The following ZFP64 variants were observed in gnomAD, a reference collection of about 807,000 sequenced individuals.
ZFP64 encodes ZFP64 zinc finger protein.
In ZFP64, 14 loss-of-function variants were observed where a neutral mutation model predicts 51.6. The ratio of observed to expected loss-of-function variants is 0.27; its 90% CI spans 0.18 to 0.42. The LOEUF is 0.42. ZFP64 is among the 10% of genes least tolerant of loss of function. The pLI is 1.00. For missense variants in ZFP64, 754 were observed against 906.8 expected (o/e 0.83, Z 2.16); for synonymous variants, 375 against 361.4 (o/e 1.04, Z -0.43).
chr20:52,138,080 A>G (rs1980070410), intron 5 of ZFP64, among the ~76,000 whole-genome samples: 1 of 151,934 alleles, frequency 6.6e-6, no homozygotes, highest in Non-Finnish European at 1.5e-5. Flanking sequence ...GGAGGCACAC[A>G]TCTGGAGTCC....
intron 5 of ZFP64, among the ~76,000 whole-genome samples, chr20:52,099,904 A>T (rs2079032390): frequency 6.6e-6 from 1 of 152,258 alleles, no homozygotes; most frequent in South Asian, 2.1e-4. Flanking sequence ...AGGTTTTAAG[A>T]TTCCTACAGC....
rs560939677 is a variant in ZFP64, at chr20:52,128,734, T to C, written c.764-30147A>G. 1.8e-4 allele frequency among the ~76,000 whole-genome samples: 28 copies of C among 152,262 alleles called. No individual in the cohort carries two copies. The South Asian group carries it at 5.8e-3, about 32-fold the overall frequency. Reference sequence around the variant, plus strand: ...GCTTCTGAGCTTGGTCTTCCGTCAGTAACAAGGGCTGATTTCCACCTGGTC... The same window carrying C: ...GCTTCTGAGCTTGGTCTTCCGTCAGCAACAAGGGCTGATTTCCACCTGGTC... On this transcript the variant is annotated intron_variant, in intron 5 of 8. Transcript: ENST00000361387.
intron 7 of ZFP64, among the ~76,000 whole-genome samples, chr20:52,090,659 C>CTTGGTGATGCACACCTGT (rs1336103022): frequency 6.6e-6 from 1 of 151,886 alleles, no homozygotes; most frequent in Non-Finnish European, 1.5e-5. Flanking sequence ...ATTAGCTGGG[C>CTTGGTGATGCACACCTGT]TTGGTGATGC....
At chr20:52,097,231 T>C (rs2078998155) in intron 7 of ZFP64, 1 of 993,052 alleles carries the variant, frequency 1.0e-6, no homozygotes, top group Non-Finnish European at 1.6e-6. Flanking sequence ...TTTTGCTCCT[T>C]CTCCCAAGCC....
chr20:52,104,509 AAGGCTCACGGCCGTCCCCCGCCCCCC>A (rs1156762025), intron 5 of ZFP64: 23 of 359,364 alleles, frequency 6.4e-5, no homozygotes, highest in South Asian at 4.6e-4. Context: ...AGCTCTTACC[AAGGCTCACGGCCGTCCCCCGCCCCCC>A]ACCGTCTGCC....
intron 5 of ZFP64, among the ~76,000 whole-genome samples, chr20:52,115,675 A>G (rs550300255): frequency 1.3e-5 from 2 of 152,250 alleles, no homozygotes; most frequent in Admixed American, 6.5e-5. Context: ...TTGGCCTCCC[A>G]AAGTGCTGGG....
chr20:52,161,634 G>GAA (rs1357522867), intron 4 of ZFP64, among the ~76,000 whole-genome samples: 1 of 152,014 alleles, frequency 6.6e-6, no homozygotes, highest in Non-Finnish European at 1.5e-5. Flanking sequence ...ACTTGGCCAT[G>GAA]AAAAAGAGTA....
chr20:52,093,511 C>T (rs1380696666), intron 7 of ZFP64, among the ~76,000 whole-genome samples: 2 of 152,166 alleles, frequency 1.3e-5, no homozygotes, highest in African/African-American at 4.8e-5. Context: ...GAAATGATTG[C>T]ATTTTTATCT....
In ZFP64 at chr20:52,127,877, T is replaced by C. The variant is rs920024518; in HGVS notation, c.764-29290A>G. Among the ~76,000 whole-genome samples, 13 of 152,368 alleles carry C rather than the reference T, an allele frequency of 8.5e-5. No individual in the cohort carries two copies. In the East Asian group the frequency reaches 2.5e-3, roughly 29 times the overall value. On this transcript the variant is annotated intron_variant, in intron 5 of 8. Transcript: ENST00000361387. ...GAAATAATAAGTTGAGGATATTCAC[T>C]GGTAGTCTACTACTGTGTAAGACAG...
chr20:52,119,009 G>A (rs532036922), intron 5 of ZFP64, among the ~76,000 whole-genome samples: 1 of 152,264 alleles, frequency 6.6e-6, no homozygotes, highest in African/African-American at 2.4e-5. Context: ...TGGGTGTGGT[G>A]GTGTGTGCCT....
intron 5 of ZFP64, among the ~76,000 whole-genome samples, chr20:52,157,775 C>T (rs1023281373): frequency 6.6e-6 from 1 of 152,156 alleles, no homozygotes; most frequent in African/African-American, 2.4e-5. Context: ...ACCCATCAAC[C>T]CGTCATCTAC....
Position 52,153,189 on chromosome 20 carries a change from G to T in ZFP64, c.1003C>A (p.Arg335Ser), listed in dbSNP as rs763270457. 4 of 1,614,204 alleles carry T rather than the reference G, an allele frequency of 2.5e-6. No individual in the cohort carries two copies. Among genetic ancestry groups the T allele is most frequent in the East Asian group, 2.2e-5 (1 of 44,884 alleles). The change falls in exon 6 of 6, where the codon CGC becomes AGC. Residue 335 changes from arginine (R) to serine (S), a missense_variant. Physicochemically the swap from Arg to Ser is moderately radical, Grantham distance 110. This residue lies in a region of ZFP64 where 428 missense variants were observed against 472.4 expected (regional missense o/e 0.91). Transcript: ENST00000216923. This position sits in a 1 kb window ranked among gnomAD's most constrained non-coding sequence, Gnocchi z 5.1. ...DSKATLRKHS[R>S]VHQSEHPEKC... ...TCAGGATGCTCCGACTGGTGCACGC[G>T]GCTGTGCTTCCGGAGGGTGGCTTTG...
intron 5 of ZFP64, among the ~76,000 whole-genome samples, chr20:52,131,463 C>G (rs1156256719): frequency 6.6e-6 from 1 of 152,118 alleles, no homozygotes; most frequent in Admixed American, 6.5e-5. Flanking sequence ...ACCCACTGAT[C>G]TGCTGCCTAC....
intron 2 of ZFP64, chr20:52,175,857 C>CCCGG: frequency 2.4e-4 from 92 of 375,986 alleles, no homozygotes; most frequent in Non-Finnish European, 3.1e-4. Flanking sequence ...CCCGCACCCC[C>CCCGG]GCTGCCGCCC....
At chr20:52,163,943 T>C (rs2123022181) in intron 4 of ZFP64, among the ~76,000 whole-genome samples, 1 of 152,344 alleles carries the variant, frequency 6.6e-6, no homozygotes, top group African/African-American at 2.4e-5. Flanking sequence ...CAAGTATTTA[T>C]TAAATTCTCC....
At chr20:52,116,824 C>T (rs942647654) in intron 5 of ZFP64, among the ~76,000 whole-genome samples, 3 of 152,206 alleles carry the variant, frequency 2.0e-5, no homozygotes, top group African/African-American at 7.2e-5. Flanking sequence ...AATCTCAGCA[C>T]TTTGGGAGGC....
In ZFP64 at chr20:52,184,246, T is replaced by C. The variant is rs144208743; in HGVS notation, c.286+2586A>G. On this transcript the variant is annotated intron_variant, in intron 2 of 5. Coordinates refer to ENST00000216923, the MANE Select transcript of ZFP64 (RefSeq NM_018197.3). ...TTATGGACTCAGTCAGGCTCAGAGA[T>C]GTATTGTTTGGCAACAAAGTTTTAT... Among the ~76,000 whole-genome samples, 1,437 of 152,324 alleles carry C rather than the reference T, an allele frequency of 9.4e-3. 16 individuals are homozygous for C. The highest frequency in any genetic ancestry group is 0.013 in the Non-Finnish European group (917 of 68,032).
At chr20:52,093,957 G>A (rs569388784) in intron 7 of ZFP64, among the ~76,000 whole-genome samples, 5 of 152,298 alleles carry the variant, frequency 3.3e-5, no homozygotes, top group African/African-American at 1.2e-4. Context: ...ATCACAATAT[G>A]ATTTTTTTAA....
intron 5 of ZFP64, among the ~76,000 whole-genome samples, chr20:52,126,090 G>A (rs1008910510): frequency 1.3e-5 from 2 of 152,070 alleles, no homozygotes; most frequent in African/African-American, 2.4e-5. Flanking sequence ...TAGAGATGGC[G>A]TTTTACCATG....
Sources: gnomAD v4.1 joint callset for allele counts (sites outside exome capture counted in the v4.1 genomes callset) on GRCh38, gnomAD v4.1.1 for gene constraint, gnomAD v4.1.1 regional missense constraint, Gnocchi (gnomAD v3.1) non-coding constraint, MANE v1.5 for transcripts, NCBI Gene and HGNC (gene_info 2026-07-23, HGNC 2026-07-21) for gene names.